The following SHTN1 variants were observed in gnomAD, a reference collection of about 807,000 sequenced individuals.
The protein encoded by SHTN1 is shootin-1.
Under a neutral mutation model 83.1 loss-of-function variants are expected in SHTN1, and 42 were observed. The ratio of observed to expected loss-of-function variants is 0.51; its 90% confidence interval spans 0.39 to 0.65. The LOEUF (loss-of-function observed/expected upper bound fraction) is 0.65. Among genes scored for constraint, SHTN1 ranks in the 30% least tolerant of loss-of-function variants. The pLI is 0.00. For missense variants in SHTN1, 622 were observed against 737.8 expected, an observed-to-expected ratio of 0.84 and a Z score of 1.82; for synonymous variants, 224 against 247.7, an observed-to-expected ratio of 0.90 and a Z score of 0.90.
At chr10:117,084,393 G>A (rs1853316205) in intron 1 of SHTN1, among the ~76,000 whole-genome samples, 1 of 152,220 alleles carries the variant, frequency 6.6e-6, no homozygotes, top group Admixed American at 6.5e-5. Context: ...CAGTCTGACT[G>A]TTCTCAGATC....
intron 2 of SHTN1, among the ~76,000 whole-genome samples, chr10:116,972,556 A>G (rs745501068): frequency 2.0e-5 from 3 of 152,242 alleles, no homozygotes; most frequent in Non-Finnish European, 4.4e-5. Context: ...AGCCAGGATA[A>G]CGGGCCTTTT....
In SHTN1 at chr10:116,927,886, C is replaced by T. The variant is rs748158167; in HGVS notation, c.1018G>A (p.Glu340Lys). The change falls in exon 11 of 17, where the codon GAA becomes AAA. Residue 340 changes from glutamate (E) to lysine (K), a missense_variant. Physicochemically the swap from Glu to Lys is moderately conservative, Grantham distance 56. Transcript: ENST00000355371. ...GACTGGTTCACTCGTTTCTGGAGTTCATCAACTGCACAGAGAGCAAACATT... is the reference window on the plus strand; with the variant it reads ...GACTGGTTCACTCGTTTCTGGAGTTTATCAACTGCACAGAGAGCAAACATT... ...KARNLKHSVD[E>K]LQKRVNQSEN... 11 of 1,611,970 alleles carry T rather than the reference C, an allele frequency of 6.8e-6. No individual in the cohort carries two copies. The highest frequency in any genetic ancestry group is 9.3e-6 in the Non-Finnish European group (11 of 1,179,102).
At chr10:116,971,213 C>T (rs1368751439) in intron 2 of SHTN1, among the ~76,000 whole-genome samples, 5 of 152,138 alleles carry the variant, frequency 3.3e-5, no homozygotes. Flanking sequence ...AATCCTGACT[C>T]AGGATCCCCC....
chr10:117,095,950 G>A (rs896521159), intron 1 of SHTN1, among the ~76,000 whole-genome samples: 1 of 152,116 alleles, frequency 6.6e-6, no homozygotes, highest in African/African-American at 2.4e-5. Flanking sequence ...TTTTGCCCTT[G>A]AGCTTTAAAA....
intron 16 of SHTN1, chr10:116,900,992 A>G (rs1393750077): frequency 1.0e-6 from 1 of 985,260 alleles, no homozygotes; most frequent in East Asian, 1.1e-4. Flanking sequence ...CTAGAGTTAC[A>G]AAAAAGGGGT....
intron 1 of SHTN1, among the ~76,000 whole-genome samples, chr10:116,994,889 T>G (rs926087806): frequency 6.6e-6 from 1 of 152,098 alleles, no homozygotes. Flanking sequence ...TTAGGTTTAT[T>G]CTGCATGCTA....
At chr10:117,065,341 A>G (rs969651148) in intron 1 of SHTN1, among the ~76,000 whole-genome samples, 1 of 152,136 alleles carries the variant, frequency 6.6e-6, no homozygotes, top group African/African-American at 2.4e-5. Context: ...CAAGAAAAGA[A>G]AAGTGTGTTA....
rs551397735 is a variant in SHTN1, at chr10:116,920,818, T to C, written c.1195+616A>G. Among the ~76,000 whole-genome samples the C allele has an allele frequency of 2.0e-5, 3 of 152,184 alleles. No homozygotes were observed. The South Asian group carries it at 6.2e-4, about 32-fold the overall frequency. Reference sequence around the variant, plus strand: ...GTTCCTTCCTGGACACTTTGGACCTTTGAATCCACTGCTCCTCTATTTAAA... The same window carrying C: ...GTTCCTTCCTGGACACTTTGGACCTCTGAATCCACTGCTCCTCTATTTAAA... On this transcript the variant is annotated intron_variant, in intron 12 of 16. Coordinates refer to ENST00000355371, the MANE Select transcript of SHTN1 (RefSeq NM_001127211.3).
chr10:117,086,946 C>T (rs762313998), intron 1 of SHTN1, among the ~76,000 whole-genome samples: 15 of 152,116 alleles, frequency 9.9e-5, no homozygotes, highest in Non-Finnish European at 1.6e-4. Context: ...TTCTTATACA[C>T]GCTGCAACAT....
chr10:116,922,590 T>C (rs1411119511), intron 11 of SHTN1, among the ~76,000 whole-genome samples: 2 of 152,122 alleles, frequency 1.3e-5, no homozygotes, highest in Admixed American at 6.5e-5. Flanking sequence ...ATAAGTACAT[T>C]CTGAGACCTT....
chr10:117,009,473 T>A (rs1419557991), upstream of SHTN1, among the ~76,000 whole-genome samples: 1 of 152,018 alleles, frequency 6.6e-6, no homozygotes, highest in Non-Finnish European at 1.5e-5. Flanking sequence ...TAGGAAAAAA[T>A]TTAATTAGTA....
intron 2 of SHTN1, among the ~76,000 whole-genome samples, chr10:116,973,413 G>T (rs934928183): frequency 6.6e-6 from 1 of 152,078 alleles, no homozygotes; most frequent in Non-Finnish European, 1.5e-5. Context: ...CTATACATAC[G>T]CAAGTACATT....
chr10:117,028,935 G>A (rs994442101), intron 2 of SHTN1, among the ~76,000 whole-genome samples: 3 of 152,160 alleles, frequency 2.0e-5, no homozygotes, highest in African/African-American at 7.2e-5. Context: ...AGTGAGAAGA[G>A]GACCACTGCC....
At chr10:117,041,308 T>C (rs1382135141) in intron 2 of SHTN1, among the ~76,000 whole-genome samples, 2 of 152,202 alleles carry the variant, frequency 1.3e-5, no homozygotes, top group Non-Finnish European at 2.9e-5. Flanking sequence ...CAAAGGAAAT[T>C]CAACAGAAAG....
At chr10:116,981,891 T>G (rs1016584986) in intron 1 of SHTN1, among the ~76,000 whole-genome samples, 1 of 152,080 alleles carries the variant, frequency 6.6e-6, no homozygotes, top group African/African-American at 2.4e-5. Flanking sequence ...ACACCGTCTC[T>G]ACTAAAAATA....
chr10:116,982,844 C>T (rs1851076134), intron 1 of SHTN1, among the ~76,000 whole-genome samples: 4 of 152,042 alleles, frequency 2.6e-5, no homozygotes, highest in Admixed American at 2.0e-4. Flanking sequence ...CGCCTGTAAT[C>T]CTAGCTACTC....
At chr10:116,987,080 T>C (rs1045144731) in intron 1 of SHTN1, among the ~76,000 whole-genome samples, 6 of 152,146 alleles carry the variant, frequency 3.9e-5, no homozygotes, top group African/African-American at 1.4e-4. Flanking sequence ...CCAGAGCATT[T>C]TGTTCCTCTA....
At chr10:116,971,669 G>C (rs1158042843) in intron 2 of SHTN1, among the ~76,000 whole-genome samples, 1 of 152,156 alleles carries the variant, frequency 6.6e-6, no homozygotes, top group Non-Finnish European at 1.5e-5. Context: ...TCAAACTCCT[G>C]AGTCATGATT....
intron 12 of SHTN1, among the ~76,000 whole-genome samples, chr10:116,917,818 A>C (rs1354344552): frequency 6.6e-6 from 1 of 152,206 alleles, no homozygotes; most frequent in Admixed American, 6.5e-5. Flanking sequence ...ATTATAAACC[A>C]GGCTTTAATT....
Sources: allele counts gnomAD v4.1 joint callset (sites outside exome capture counted in the v4.1 genomes callset), GRCh38; gene constraint gnomAD v4.1.1; transcripts MANE v1.5; gene names NCBI Gene and HGNC (gene_info 2026-07-23, HGNC 2026-07-21).